The following MTURN variants were observed in gnomAD, a reference collection of about 807,000 sequenced individuals.
MTURN encodes maturin.
In MTURN, 7 loss-of-function variants were observed where a neutral mutation model predicts 14.9. The observed-to-expected ratio is 0.47, with a 90% CI of 0.27 to 0.88. MTURN has a LOEUF of 0.88. Ranked by LOEUF, MTURN falls within the 40% of genes least tolerant of loss-of-function variation. The pLI, the probability that MTURN is intolerant of heterozygous loss-of-function variation, is 0.14. For missense variants in MTURN, 151 were observed against 174.1 expected (o/e 0.87, Z 0.75); for synonymous variants, 69 against 72.5 (o/e 0.95, Z 0.25).
intron 2 of MTURN, among the ~76,000 whole-genome samples, chr7:30,150,775 A>C (rs1797199359): frequency 6.6e-6 from 1 of 152,206 alleles, no homozygotes; most frequent in Non-Finnish European, 1.5e-5. Flanking sequence ...GGAAGCGTCC[A>C]TCTTGGCTGC....
chr7:30,137,478 A>G (rs1052480753), intron 1 of MTURN: 2 of 404,738 alleles, frequency 4.9e-6, no homozygotes, highest in African/African-American at 4.3e-5. Flanking sequence ...GAGGCCACCC[A>G]GATTTTAAAT....
chr7:30,137,256 A>G (rs781450271), intron 1 of MTURN: 3 of 177,088 alleles, frequency 1.7e-5, no homozygotes, highest in Non-Finnish European at 3.7e-5. Flanking sequence ...CGTGTGAAAC[A>G]GGGCAAGAAT....
At position 30,149,967 on chromosome 7, in the gene MTURN, A is replaced by G. The variant is rs1323755240; in HGVS notation, c.285+3668A>G. ...GGGTTGCTTGTCATCTCTTAACCCA[A>G]TTATGAGGGAACAGGTACTACAGTC... On this transcript the variant is annotated intron_variant, in intron 2 of 2. Transcript: ENST00000324453. Among the ~76,000 whole-genome samples the G allele has an allele frequency of 2.0e-5, 3 of 152,120 alleles. 1 individual carries two copies. Among genetic ancestry groups the G allele is most frequent in the Non-Finnish European group, 4.4e-5 (3 of 68,008 alleles).
In MTURN at chr7:30,161,272, G is replaced by C. The variant is rs1470512633; in HGVS notation, c.*3724G>C. On this transcript the variant is annotated 3_prime_UTR_variant, in exon 3 of 3. Transcript: ENST00000324453. ...GAGATGAATAAGGGAGAATGGGAGA[G>C]TTGGGGTCTGACAGTTACCACCTGA... The C allele has an allele frequency of 6.6e-6, 1 of 152,252 alleles. No individual in the cohort carries two copies. The highest frequency in any genetic ancestry group is 6.5e-5 in the Admixed American group (1 of 15,286). The allele number at this position is 152,252 out of a possible 1,614,324, so 9.4% of individuals were successfully genotyped here.
intron 2 of MTURN, among the ~76,000 whole-genome samples, chr7:30,148,228 T>A (rs1797156171): frequency 6.6e-6 from 1 of 151,952 alleles, no homozygotes; most frequent in Non-Finnish European, 1.5e-5. Flanking sequence ...GACTACAGAG[T>A]GGGCCATGAG....
At chr7:30,143,925 C>T (rs1797091329) in intron 1 of MTURN, among the ~76,000 whole-genome samples, 1 of 152,234 alleles carries the variant, frequency 6.6e-6, no homozygotes, top group Non-Finnish European at 1.5e-5. Context: ...GATGTACTTA[C>T]TTTTTAACAA....
At chr7:30,151,300 A>G (rs1377142079) in intron 2 of MTURN, among the ~76,000 whole-genome samples, 1 of 152,242 alleles carries the variant, frequency 6.6e-6, no homozygotes, top group African/African-American at 2.4e-5. Context: ...AGAAACCCCC[A>G]TCAATCACTT....
In MTURN at chr7:30,146,113, C is replaced by G. The variant is rs1202770845; in HGVS notation, c.163-64C>G. Reference sequence around the variant, plus strand: ...AGAAAATCTGCTTGGCTTTTCTGAACTTCACACTGAGTGTAGTGACTGTGT... The same window carrying G: ...AGAAAATCTGCTTGGCTTTTCTGAAGTTCACACTGAGTGTAGTGACTGTGT... On this transcript the variant is annotated intron_variant, in intron 1 of 2. Coordinates refer to ENST00000324453, the MANE Select transcript of MTURN (RefSeq NM_152793.3). 1.9e-6 allele frequency: 3 copies of G among 1,606,636 alleles called. No individual in the cohort carries two copies. The East Asian group carries it at 6.7e-5, about 36-fold the overall frequency.
intron 2 of MTURN, among the ~76,000 whole-genome samples, chr7:30,155,574 C>T (rs978498589): frequency 2.0e-5 from 3 of 152,186 alleles, no homozygotes; most frequent in Non-Finnish European, 4.4e-5. Context: ...GCACCCTCTC[C>T]GGGGAGCTGA....
chr7:30,145,702 C>A, intron 1 of MTURN: 1 of 857,312 alleles, frequency 1.2e-6, no homozygotes, highest in Non-Finnish European at 1.7e-6. Context: ...ACCACCACGC[C>A]TACTCACAGG....
At chr7:30,143,815 C>T (rs1165248070) in intron 1 of MTURN, among the ~76,000 whole-genome samples, 1 of 152,228 alleles carries the variant, frequency 6.6e-6, no homozygotes, top group Non-Finnish European at 1.5e-5. Flanking sequence ...GCTAAATATA[C>T]TGTCTGATTA....
At chr7:30,145,639 A>G (rs566860911) in intron 1 of MTURN, among the ~76,000 whole-genome samples, 96 of 152,366 alleles carry the variant, frequency 6.3e-4, no homozygotes, top group African/African-American at 2.2e-3. Context: ...TTCCAGTGAC[A>G]TAGTGGTGAC....
At chr7:30,156,261 C>A (rs1391579910) in intron 2 of MTURN, among the ~76,000 whole-genome samples, 1 of 151,942 alleles carries the variant, frequency 6.6e-6, no homozygotes, top group Non-Finnish European at 1.5e-5. Flanking sequence ...TTGGAAAATA[C>A]AAAAAGATAA....
At chr7:30,139,266 C>T (rs959189734) in intron 1 of MTURN, among the ~76,000 whole-genome samples, 5 of 152,192 alleles carry the variant, frequency 3.3e-5, no homozygotes, top group African/African-American at 7.2e-5. Flanking sequence ...ATGTAGCAGA[C>T]GCTGCTCTCG....
intron 1 of MTURN, among the ~76,000 whole-genome samples, chr7:30,140,057 A>T (rs1397089949): frequency 2.6e-5 from 4 of 152,148 alleles, no homozygotes; most frequent in Non-Finnish European, 5.9e-5. Flanking sequence ...GTCAGCAGCC[A>T]CTTGGATGCC....
rs1282691356 is a variant in MTURN at position 30,161,291 on chromosome 7, C to T, written c.*3743C>T. On this transcript the variant is annotated 3_prime_UTR_variant, in exon 3 of 3. Transcript: ENST00000324453. ...GGGAGAGTTGGGGTCTGACAGTTAC[C>T]ACCTGAGCCCCAGGAAAACTGTTTT... 3 of 152,224 alleles carry T rather than the reference C, an allele frequency of 2.0e-5. No homozygotes were observed. Among genetic ancestry groups the T allele is most frequent in the Non-Finnish European group, 4.4e-5 (3 of 68,064 alleles). The allele number at this position is 152,224 out of a possible 1,614,324, so 9.4% of individuals were successfully genotyped here.
At chr7:30,135,957 C>T (rs1203055278) in intron 1 of MTURN, among the ~76,000 whole-genome samples, 4 of 150,556 alleles carry the variant, frequency 2.7e-5, no homozygotes, top group Non-Finnish European at 3.0e-5. Context: ...CGCGCGCCTG[C>T]GCATACACCC....
intron 1 of MTURN, among the ~76,000 whole-genome samples, chr7:30,136,126 G>C (rs1008394703): frequency 0.024 from 1 of 42 alleles, no homozygotes; most frequent in African/African-American, 0.17. Flanking sequence ...CAGCCGAGGC[G>C]GTGCCCTGGC....
At chr7:30,146,457 C>T (rs539960837) in intron 2 of MTURN, among the ~76,000 whole-genome samples, 158 bp downstream of exon 2, 3 of 151,814 alleles carry the variant, frequency 2.0e-5, no homozygotes, top group African/African-American at 2.4e-5. Flanking sequence ...ATAGGGAGGC[C>T]GAGGGCGGGA....
Sources: allele counts gnomAD v4.1 joint callset (sites outside exome capture counted in the v4.1 genomes callset), GRCh38; gene constraint gnomAD v4.1.1; transcripts MANE v1.5; gene names NCBI Gene and HGNC (gene_info 2026-07-23, HGNC 2026-07-21).